LHCGR: variants seen among roughly 807,000 people sequenced by gnomAD.
LHCGR encodes the protein luteinizing hormone/choriogonadotropin receptor.
LHCGR carries 55 observed loss-of-function variants against 60.7 expected under a neutral mutation model. That is an observed-to-expected ratio of 0.91 (90% CI 0.73 to 1.13). The LOEUF is 1.13. LHCGR is among the 50% of genes most tolerant of loss of function. The pLI, the probability that LHCGR is intolerant of heterozygous loss-of-function variation, is 0.00. For synonymous variants in LHCGR, 337 were observed against 316.5 expected (o/e 1.06, Z -0.69); for missense variants, 862 against 836.0 (o/e 1.03, Z -0.38).
intron 1 of LHCGR, among the ~76,000 whole-genome samples, chr2:48,732,681 G>A (rs536590309): frequency 6.6e-6 from 1 of 152,278 alleles, no homozygotes; most frequent in African/African-American, 2.4e-5. Context: ...GAGCAAGGTG[G>A]AGGGACAGAC....
At chr2:48,741,915 A>G (rs1669474686) in intron 1 of LHCGR, among the ~76,000 whole-genome samples, 2 of 152,134 alleles carry the variant, frequency 1.3e-5, no homozygotes. Flanking sequence ...TAAAGAGTCA[A>G]GACCCATCAG....
chr2:48,750,301 G>A (rs932016562), intron 1 of LHCGR, among the ~76,000 whole-genome samples: 2 of 152,116 alleles, frequency 1.3e-5, no homozygotes, highest in African/African-American at 4.8e-5. Flanking sequence ...GGTGGTTTTT[G>A]TTTGCTTTCA....
intron 8 of LHCGR, chr2:48,708,633 A>C (rs981430414): frequency 4.0e-6 from 2 of 497,578 alleles, no homozygotes; most frequent in African/African-American, 3.9e-5. Context: ...AACCAGAAAG[A>C]ACTAGCACAA....
At chr2:48,707,599 G>A (rs1190618269) in intron 8 of LHCGR, among the ~76,000 whole-genome samples, 2 of 152,252 alleles carry the variant, frequency 1.3e-5, no homozygotes, top group South Asian at 2.1e-4. Flanking sequence ...GCCCACAGAG[G>A]TGGAATTTAG....
intron 2 of LHCGR, among the ~76,000 whole-genome samples, chr2:48,730,402 A>G (rs1269904760): frequency 1.3e-5 from 2 of 152,226 alleles, no homozygotes; most frequent in African/African-American, 4.8e-5. Context: ...TATAATATGC[A>G]GTAATTCTTG....
Position 48,755,610 on chromosome 2 carries a change from AGCG to A in LHCGR, c.59_61del (p.Pro20del). ...GAGCGCCTCGCGCAGCGCTCGTGGC[AGCG>A]GCGGCTGCAGCAGCAGCAGCAGCTT... On this transcript the variant is annotated inframe_deletion, in exon 1 of 11. Transcript: ENST00000294954. 1 of 1,482,016 alleles carries A rather than the reference AGCG, an allele frequency of 6.7e-7. No individual in the cohort carries two copies. The highest frequency in any genetic ancestry group is 9.1e-7 in the Non-Finnish European group (1 of 1,097,924). 91.8% of individuals were successfully genotyped at this position (1,482,016 alleles called of 1,614,324 possible).
At chr2:48,715,072 T>G (rs1231187392) in intron 6 of LHCGR, among the ~76,000 whole-genome samples, 1 of 152,192 alleles carries the variant, frequency 6.6e-6, no homozygotes, top group Non-Finnish European at 1.5e-5. Flanking sequence ...TTTCGTGTCG[T>G]GTTCTCAGTG....
At chr2:48,713,244 T>G (rs1668079946) in intron 7 of LHCGR, among the ~76,000 whole-genome samples, 1 of 152,208 alleles carries the variant, frequency 6.6e-6, no homozygotes, top group Non-Finnish European at 1.5e-5. Flanking sequence ...TTTTGTTTAT[T>G]TTCCATAATT....
chr2:48,704,217 C>T (rs773335856), intron 8 of LHCGR, among the ~76,000 whole-genome samples: 3 of 152,152 alleles, frequency 2.0e-5, no homozygotes, highest in East Asian at 1.9e-4. Context: ...GTTGAACCAG[C>T]GTTGCATCCC....
chr2:48,700,585 C>G (rs1374455771), intron 8 of LHCGR, among the ~76,000 whole-genome samples: 1 of 152,170 alleles, frequency 6.6e-6, no homozygotes, highest in Admixed American at 6.5e-5. Context: ...TGCACCTGAG[C>G]CAGAGGCAGC....
intron 9 of LHCGR, 70 bp from the exon 10 acceptor site, chr2:48,694,374 T>C: frequency 1.1e-6 from 1 of 920,144 alleles, no homozygotes; most frequent in Non-Finnish European, 1.8e-6. Context: ...TGTGCGTCTA[T>C]TTATGCTTTG....
At chr2:48,721,965 C>T (rs1668516446) in intron 6 of LHCGR, among the ~76,000 whole-genome samples, 2 of 152,286 alleles carry the variant, frequency 1.3e-5, no homozygotes, top group Middle Eastern at 6.8e-3. Flanking sequence ...TCCTGTCCAA[C>T]ATGGTGAAAT....
intron 6 of LHCGR, among the ~76,000 whole-genome samples, chr2:48,714,989 T>A (rs1227334213): frequency 6.6e-6 from 1 of 152,136 alleles, no homozygotes; most frequent in African/African-American, 2.4e-5. Context: ...AGCACATCAA[T>A]TTTGCTGATT....
At chr2:48,699,933 CTT>C (rs1260156079) in intron 8 of LHCGR, among the ~76,000 whole-genome samples, 1 of 152,196 alleles carries the variant, frequency 6.6e-6, no homozygotes, top group Non-Finnish European at 1.5e-5. Context: ...CCTCACAAAA[CTT>C]TTCCAAGCAG....
intron 6 of LHCGR, chr2:48,720,469 A>G (rs1251010963): frequency 6.6e-6 from 1 of 152,022 alleles, no homozygotes; most frequent in African/African-American, 2.4e-5. Context: ...AATAAAGCCT[A>G]CTCTATTGAA....
intron 1 of LHCGR, among the ~76,000 whole-genome samples, chr2:48,752,860 G>T (rs922671445): frequency 1.3e-5 from 2 of 151,238 alleles, no homozygotes; most frequent in South Asian, 4.2e-4. Flanking sequence ...ATTCCTTCCT[G>T]CAGTCCTCTT....
chr2:48,755,575 GC>G lies in LHCGR; in HGVS notation c.96del (p.Glu32AspfsTer32). Reference sequence around the variant, plus strand: ...GCGCCGTCGGGCACGCAGTTGCAGGGCTCAGGGCAGAGCGCCTCGCGCAGCG... The same window carrying G: ...GCGCCGTCGGGCACGCAGTTGCAGGGTCAGGGCAGAGCGCCTCGCGCAGCG... ...PRALREALCPEPCNCVPDGAL... is the reference protein window; with the variant it reads ...PRALREALCPXPCNCVPDGAL... On this transcript the variant is annotated frameshift_variant, in exon 1 of 11. Transcript: ENST00000294954. LOFTEE classifies it high-confidence loss of function. 6.5e-7 allele frequency: 1 copy of G among 1,540,238 alleles called. No homozygotes were observed. Among genetic ancestry groups the G allele is most frequent in the Non-Finnish European group, 8.7e-7 (1 of 1,145,718 alleles).
At chr2:48,725,892 C>A in intron 3 of LHCGR, 142 bp from the exon 4 acceptor site, 1 of 711,110 alleles carries the variant, frequency 1.4e-6, no homozygotes, top group Non-Finnish European at 2.6e-6. Flanking sequence ...GGGAGGACCC[C>A]TAGCGACTCT....
chr2:48,701,851 A>T (rs1459341779), intron 8 of LHCGR, among the ~76,000 whole-genome samples: 1 of 152,208 alleles, frequency 6.6e-6, no homozygotes, highest in Non-Finnish European at 1.5e-5. Context: ...GAACTGGGTT[A>T]CCCTGCTCAC....
Sources: gnomAD v4.1 joint callset for allele counts (sites outside exome capture counted in the v4.1 genomes callset) on GRCh38, gnomAD v4.1.1 for gene constraint, MANE v1.5 for transcripts, NCBI Gene and HGNC (gene_info 2026-07-23, HGNC 2026-07-21) for gene names.